VSTM2L: variants seen among roughly 807,000 people sequenced by gnomAD.
The protein encoded by VSTM2L is V-set and transmembrane domain-containing protein 2-like protein.
In VSTM2L, 9 loss-of-function variants were observed where a neutral mutation model predicts 19.9. The observed-to-expected ratio is 0.45, with a 90% CI of 0.27 to 0.79. VSTM2L has a LOEUF of 0.79. Ranked by LOEUF, VSTM2L falls within the 30% of genes least tolerant of loss-of-function variation. The probability of loss-of-function intolerance (pLI) is 0.15; values close to 1 mark genes in which losing one functional copy is unlikely to be tolerated. For synonymous variants in VSTM2L, 127 were observed against 133.8 expected, an observed-to-expected ratio of 0.95 and a Z score of 0.35; for missense variants, 286 against 295.5, an observed-to-expected ratio of 0.97 and a Z score of 0.24.
intron 1 of VSTM2L, 25 bp from the exon 2 acceptor site, chr20:37,931,610 A>C: frequency 2.6e-6 from 4 of 1,532,348 alleles, no homozygotes; most frequent in Non-Finnish European, 1.8e-6. Flanking sequence ...GAGCCCCGCC[A>C]TTCTTCCCCC....
chr20:37,906,277 C>G (rs1357117643), intron 1 of VSTM2L, among the ~76,000 whole-genome samples: 1 of 152,122 alleles, frequency 6.6e-6, no homozygotes, highest in Non-Finnish European at 1.5e-5. Context: ...ACTCAAGGTA[C>G]TTGGAAGAGG....
At chr20:37,930,936 G>A (rs1014411467) in intron 1 of VSTM2L, among the ~76,000 whole-genome samples, 1 of 152,190 alleles carries the variant, frequency 6.6e-6, no homozygotes, top group African/African-American at 2.4e-5. Context: ...GGACCTTCTC[G>A]GGATCCTCAA....
In VSTM2L at chr20:37,931,817, G is replaced by T. The variant is rs750900762; in HGVS notation, c.291+13G>T. 2.5e-6 allele frequency: 4 copies of T among 1,609,780 alleles called. No individual in the cohort carries two copies. The African/African-American group carries it at 5.3e-5, about 21-fold the overall frequency. On this transcript the variant is annotated intron_variant, in intron 2 of 3. Transcript: ENST00000373461. ...GGCCTCGAACCAGGTAATGCCCCTG[G>T]GGAGATGCCCAAGCTGGGCTGGGGA...
Position 37,934,563 on chromosome 20 carries a change from C to T in VSTM2L, c.342+974C>T, listed in dbSNP as rs145572479. Among the ~76,000 whole-genome samples the T allele has an allele frequency of 3.3e-3, 505 of 152,248 alleles. 5 individuals are homozygous for T. The highest frequency in any genetic ancestry group is 0.011 in the African/African-American group (472 of 41,520). On this transcript the variant is annotated intron_variant, in intron 3 of 3. Coordinates refer to ENST00000373461, the MANE Select transcript of VSTM2L (RefSeq NM_080607.3). ...TTTGTGTGTCCTCGCATGCGCATGG[C>T]GGGGAAACCTTTCTAAATTCACCCT...
At chr20:37,914,379 T>C (rs1292114462) in intron 1 of VSTM2L, among the ~76,000 whole-genome samples, 371 of 150,190 alleles carry the variant, frequency 2.5e-3, no homozygotes, top group East Asian at 4.7e-3. Context: ...TGTGTGTGGG[T>C]GTATGTGTGG....
rs879589096 is a variant in VSTM2L at position 37,903,206 on chromosome 20, T to C, written c.-145T>C. 46 of 1,088,922 alleles carry C rather than the reference T, an allele frequency of 4.2e-5. No individual in the cohort carries two copies. Among genetic ancestry groups the C allele is most frequent in the Non-Finnish European group, 5.1e-5 (44 of 865,006 alleles). The allele number at this position is 1,088,922 out of a possible 1,614,324, so 67.5% of individuals were successfully genotyped here. On this transcript the variant is annotated 5_prime_UTR_variant, in exon 1 of 4. Coordinates refer to ENST00000373461, the MANE Select transcript of VSTM2L (RefSeq NM_080607.3). ...CCGGAGCCGGGCGAGGGCTGGGAGCTGGGCCGGGTCCGGGGACAGCGGGCG... is the reference window on the plus strand; with the variant it reads ...CCGGAGCCGGGCGAGGGCTGGGAGCCGGGCCGGGTCCGGGGACAGCGGGCG...
intron 1 of VSTM2L, among the ~76,000 whole-genome samples, chr20:37,916,161 C>T (rs2072817346): frequency 6.6e-6 from 1 of 152,252 alleles, no homozygotes; most frequent in South Asian, 2.1e-4. Context: ...TGCCCCGCTC[C>T]AGCCTCTCTG....
chr20:37,912,863 CCT>C (rs1216381098), intron 1 of VSTM2L, among the ~76,000 whole-genome samples: 3 of 151,906 alleles, frequency 2.0e-5, no homozygotes, highest in Non-Finnish European at 2.9e-5. Flanking sequence ...TCTCTCTCCC[CCT>C]CTCTCTCTGG....
At chr20:37,909,297 GTGTT>G (rs2122934571) in intron 1 of VSTM2L, among the ~76,000 whole-genome samples, 1 of 152,342 alleles carries the variant, frequency 6.6e-6, no homozygotes, top group South Asian at 2.1e-4. Context: ...CCACGTGAGA[GTGTT>G]TGGCCATCAC....
At chr20:37,905,850 C>T (rs751571950) in intron 1 of VSTM2L, among the ~76,000 whole-genome samples, 32 of 152,080 alleles carry the variant, frequency 2.1e-4, no homozygotes, top group Admixed American at 8.5e-4. Context: ...TGAGACGCGG[C>T]GAATAAGTGG....
intron 1 of VSTM2L, among the ~76,000 whole-genome samples, chr20:37,925,407 T>A (rs1473825958): frequency 6.6e-6 from 1 of 150,984 alleles, no homozygotes; most frequent in Non-Finnish European, 1.5e-5. Flanking sequence ...GGGGAGAGAG[T>A]CTCTGGAAGT....
intron 3 of VSTM2L, 104 bp downstream of exon 3, chr20:37,933,693 T>C: frequency 2.7e-6 from 3 of 1,123,788 alleles, no homozygotes; most frequent in Non-Finnish European, 3.9e-6. Context: ...GGCAAGAAGA[T>C]GGAAGAGAAG....
chr20:37,925,945 T>G (rs925625378), intron 1 of VSTM2L, among the ~76,000 whole-genome samples: 2 of 152,198 alleles, frequency 1.3e-5, no homozygotes, highest in Non-Finnish European at 2.9e-5. Context: ...CCCGATTGCC[T>G]CCAGCTGGGT....
Position 37,944,933 on chromosome 20 carries a change from G to A in VSTM2L, c.*680G>A. The stretch of plus-strand genomic sequence containing the variant: ...CTGTCACACGGCGAGTCAGAAGGGA[G>A]GGGCCTTTCCCTCGGACCCATGGCC... On this transcript the variant is annotated 3_prime_UTR_variant, in exon 4 of 4. Coordinates refer to ENST00000373461, the MANE Select transcript of VSTM2L (RefSeq NM_080607.3). The A allele has an allele frequency of 1.0e-6, 1 of 985,902 alleles. No homozygotes were observed. The highest frequency in any genetic ancestry group is 1.2e-6 in the Non-Finnish European group (1 of 830,016). The allele number at this position is 985,902 out of a possible 1,614,324, so 61.1% of individuals were successfully genotyped here. A position where few individuals can be genotyped will look rare whatever the true frequency, so the allele number is the denominator to read the frequency against.
At chr20:37,917,838 G>A (rs540372219) in intron 1 of VSTM2L, among the ~76,000 whole-genome samples, 22 of 152,360 alleles carry the variant, frequency 1.4e-4, no homozygotes, top group Admixed American at 5.9e-4. Flanking sequence ...TGCGGCCCAC[G>A]CAGGAGAGTA....
At chr20:37,928,910 T>TTATTATATTCATATATA (rs1222798939) in intron 1 of VSTM2L, among the ~76,000 whole-genome samples, 5 of 152,240 alleles carry the variant, frequency 3.3e-5, no homozygotes, top group Non-Finnish European at 4.4e-5. Context: ...AACATTTATG[T>TTATTATATTCATATATA]TTACATGAAT....
chr20:37,910,299 G>A (rs1224798373), intron 1 of VSTM2L, among the ~76,000 whole-genome samples: 2 of 152,254 alleles, frequency 1.3e-5, no homozygotes, highest in Admixed American at 6.5e-5. Context: ...AGCGCAGGCG[G>A]TGCGTGGGCA....
At chr20:37,943,877 T>TG in intron 3 of VSTM2L, 104 bp from the exon 4 acceptor site, 1 of 1,268,320 alleles carries the variant, frequency 7.9e-7, no homozygotes, top group Non-Finnish European at 1.1e-6. Context: ...GGAGTGTTTC[T>TG]GGGGCTCCCG....
chr20:37,937,073 T>A (rs11696112), intron 3 of VSTM2L, among the ~76,000 whole-genome samples: 15,347 of 151,836 alleles, frequency 0.1, 896 homozygotes, highest in Middle Eastern at 0.22. Flanking sequence ...ATACAAAAAT[T>A]AGCCAGGTGT....
Sources: allele counts gnomAD v4.1 joint callset (sites outside exome capture counted in the v4.1 genomes callset), GRCh38; gene constraint gnomAD v4.1.1; transcripts MANE v1.5; gene names NCBI Gene and HGNC (gene_info 2026-07-23, HGNC 2026-07-21).